Variants in SLIT2 observed in about 807,000 individuals in gnomAD.
SLIT2 encodes slit guidance ligand 2, also known as slit homolog 2 protein.
SLIT2 carries 41 observed loss-of-function variants against 185.7 expected under a neutral mutation model. That is an observed-to-expected ratio of 0.22 (90% CI 0.17 to 0.29). SLIT2 has a LOEUF of 0.29. SLIT2 is among the 10% of genes least tolerant of loss of function. The pLI, the probability that SLIT2 is intolerant of heterozygous loss-of-function variation, is 1.00. For missense variants in SLIT2, 1,571 were observed against 1,909.0 expected, an observed-to-expected ratio of 0.82 and a Z score of 3.30; for synonymous variants, 693 against 680.2, an observed-to-expected ratio of 1.02 and a Z score of -0.29.
intron 4 of SLIT2, among the ~76,000 whole-genome samples, chr4:20,447,723 A>G (rs1391871852): frequency 1.3e-5 from 2 of 152,186 alleles, no homozygotes; most frequent in East Asian, 1.9e-4. Context: ...GCTAGGTTGA[A>G]GTTTCAGAAA....
At chr4:20,394,583 C>T (rs181530291) in intron 4 of SLIT2, 11 of 151,970 alleles carry the variant, frequency 7.2e-5, no homozygotes, top group Admixed American at 4.6e-4. Context: ...CCTCATGGAG[C>T]GAGAGATCCA....
At chr4:20,558,112 A>G (rs1021520225) in intron 26 of SLIT2, among the ~76,000 whole-genome samples, 2 of 152,040 alleles carry the variant, frequency 1.3e-5, no homozygotes, top group Non-Finnish European at 2.9e-5. Flanking sequence ...TGAAATAGCC[A>G]CAAAGGATTT....
chr4:20,440,060 G>A (rs1432066580), intron 4 of SLIT2, among the ~76,000 whole-genome samples: 3 of 152,178 alleles, frequency 2.0e-5, no homozygotes, highest in Non-Finnish European at 4.4e-5. Context: ...GTTGCCAGAA[G>A]TGCAATTAAT....
At chr4:20,343,262 C>G (rs985230638) in intron 4 of SLIT2, among the ~76,000 whole-genome samples, 6 of 152,148 alleles carry the variant, frequency 3.9e-5, no homozygotes, top group Admixed American at 1.3e-4. Context: ...TCATTCCACT[C>G]TCCATTACTT....
chr4:20,542,835 TGTGTGTGTGTGTGTGTGTGTGTGTGTGC>T (rs935177179), intron 21 of SLIT2, among the ~76,000 whole-genome samples: 4 of 85,658 alleles, frequency 4.7e-5, no homozygotes, highest in African/African-American at 1.7e-4. Flanking sequence ...TGTGTGTGTG[TGTGTGTGTGTGTGTGTGTGTGTGTGTGC>T]GCTATAAGAT....
Position 20,341,494 on chromosome 4 carries a change from G to A in SLIT2, c.395+72613G>A, listed in dbSNP as rs577143040. Among the ~76,000 whole-genome samples the A allele has an allele frequency of 5.9e-5, 9 of 152,258 alleles. No homozygotes were observed. In the South Asian group the frequency reaches 1.0e-3, roughly 18 times the overall value. ...TCAAATAGAGTGAAAGAAAATTTCC[G>A]CAAGACATTTGTCATTCCTTATTTC... On this transcript the variant is annotated intron_variant, in intron 4 of 36. Transcript: ENST00000504154.
intron 4 of SLIT2, among the ~76,000 whole-genome samples, chr4:20,316,393 A>G (rs1009215562): frequency 3.9e-5 from 6 of 152,034 alleles, no homozygotes; most frequent in African/African-American, 1.4e-4. Context: ...TTCACAGAAG[A>G]TATTTACAAA....
At chr4:20,316,116 C>T (rs1021706804) in intron 4 of SLIT2, among the ~76,000 whole-genome samples, 10 of 151,880 alleles carry the variant, frequency 6.6e-5, no homozygotes, top group East Asian at 1.9e-4. Context: ...TCATTCACTG[C>T]GTTATTCTAA....
intron 18 of SLIT2, among the ~76,000 whole-genome samples, chr4:20,538,780 T>TAAAA (rs35129347): frequency 5.0e-4 from 60 of 121,122 alleles, no homozygotes; most frequent in Non-Finnish European, 5.6e-4. Context: ...TGACAATGAC[T>TAAAA]AAAAAAAAAA....
At chr4:20,434,090 C>T (rs1200047279) in intron 4 of SLIT2, among the ~76,000 whole-genome samples, 2 of 152,076 alleles carry the variant, frequency 1.3e-5, no homozygotes, top group African/African-American at 4.8e-5. Flanking sequence ...TTTCTGATCT[C>T]CAGGGAATGG....
At chr4:20,477,966 A>T (rs1180553262) in intron 5 of SLIT2, among the ~76,000 whole-genome samples, 6 of 152,324 alleles carry the variant, frequency 3.9e-5, no homozygotes, top group Admixed American at 2.6e-4. Context: ...CTTGAAAGGT[A>T]GTGGAGAAGG....
In SLIT2 at chr4:20,618,964, G is replaced by A; in HGVS notation, c.4545G>A (p.Glu1515=). 6.2e-7 allele frequency: 1 copy of A among 1,614,112 alleles called. No individual in the cohort carries two copies. Among genetic ancestry groups the A allele is most frequent in the Non-Finnish European group, 8.5e-7 (1 of 1,180,004 alleles). ...CTGACGGCTCCTCCTTTGTGGACGA[G>A]GTTGAGAAAGTGGTGAAGTGCGGCT... The part of the protein sequence containing the change: ...ECTDGSSFVD[E]VEKVVKCGCT... Residue 1515 remains glutamate, a synonymous_variant, in exon 37 of 37, where the codon GAG becomes GAA. Coordinates refer to ENST00000504154, the MANE Select transcript of SLIT2 (RefSeq NM_004787.4).
At chr4:20,268,977 G>A (rs2196476) in intron 4 of SLIT2, 96 bp downstream of exon 4, 336,185 of 776,330 alleles carry the variant, frequency 0.43, 81,531 homozygotes, top group East Asian at 0.87. Flanking sequence ...CCTGGAATCT[G>A]TTCATCAATA....
intron 9 of SLIT2, among the ~76,000 whole-genome samples, chr4:20,492,667 G>T (rs1717884816): frequency 6.6e-6 from 1 of 152,134 alleles, no homozygotes; most frequent in South Asian, 2.1e-4. Context: ...ATATTATTAT[G>T]TTATAGGCCA....
Position 20,528,148 on chromosome 4 carries a change from T to C in SLIT2, c.1463-801T>C. ...ATCGGTAGTAATACTCTTACTGTGGTCATAAACATTCTGCGGGAAGAATGC... is the reference window on the plus strand; with the variant it reads ...ATCGGTAGTAATACTCTTACTGTGGCCATAAACATTCTGCGGGAAGAATGC... On this transcript the variant is annotated intron_variant, in intron 15 of 36. Transcript: ENST00000504154. This position sits in a 1 kb window ranked among gnomAD's most constrained non-coding sequence, Gnocchi z 4.2. 2.2e-6 allele frequency: 1 copy of C among 460,936 alleles called. No homozygotes were observed. Among genetic ancestry groups the C allele is most frequent in the Non-Finnish European group, 4.4e-6 (1 of 226,534 alleles). 28.6% of individuals were successfully genotyped at this position (460,936 alleles called of 1,614,324 possible).
chr4:20,472,428 ATATC>A (rs1715395833), intron 5 of SLIT2, among the ~76,000 whole-genome samples: 1 of 77,380 alleles, frequency 1.3e-5, no homozygotes, highest in African/African-American at 5.5e-5. Flanking sequence ...ATATATATAG[ATATC>A]TATAGATATA....
At chr4:20,617,327 A>G in intron 35 of SLIT2, 112 bp from the exon 36 acceptor site, 1 of 1,343,064 alleles carries the variant, frequency 7.4e-7, no homozygotes, top group Non-Finnish European at 1.0e-6. Context: ...GTTAGGCATT[A>G]GCACTCTGTC....
chr4:20,379,662 A>T (rs750535480), intron 4 of SLIT2, among the ~76,000 whole-genome samples: 1 of 152,192 alleles, frequency 6.6e-6, no homozygotes, highest in African/African-American at 2.4e-5. Context: ...TTAGAATGAC[A>T]GGAATGGGAT....
At chr4:20,447,277 G>A (rs1158234609) in intron 4 of SLIT2, among the ~76,000 whole-genome samples, 1 of 152,178 alleles carries the variant, frequency 6.6e-6, no homozygotes, top group Non-Finnish European at 1.5e-5. Context: ...AGCAGGATCT[G>A]CGAGGACCAG....
Sources: allele counts gnomAD v4.1 joint callset (sites outside exome capture counted in the v4.1 genomes callset), GRCh38; gene constraint gnomAD v4.1.1; non-coding constraint Gnocchi (gnomAD v3.1); transcripts MANE v1.5; gene names NCBI Gene and HGNC (gene_info 2026-07-23, HGNC 2026-07-21).